Variants in MED12L observed in about 807,000 individuals in gnomAD.
MED12L encodes the protein mediator complex subunit 12L, also known as mediator of RNA polymerase II transcription subunit 12-like protein.
A neutral mutation model predicts 281.3 loss-of-function variants in MED12L; 60 were observed. That is an observed-to-expected ratio of 0.21 (90% CI 0.17 to 0.26). The LOEUF is 0.26. Among genes scored for constraint, MED12L ranks in the 10% least tolerant of loss-of-function variants. The probability of loss-of-function intolerance (pLI) is 1.00; values close to 1 mark genes in which losing one functional copy is unlikely to be tolerated. For missense variants in MED12L, 2,146 were observed against 2,680.9 expected, an observed-to-expected ratio of 0.80 and a Z score of 4.41; for synonymous variants, 974 against 987.2, an observed-to-expected ratio of 0.99 and a Z score of 0.25.
chr3:151,328,518 T>C (rs752753008), intron 16 of MED12L: 2 of 1,613,980 alleles, frequency 1.2e-6, no homozygotes, highest in Admixed American at 3.3e-5. Context: ...TTGCTCAAGA[T>C]CGTATTTGGC....
intron 39 of MED12L, among the ~76,000 whole-genome samples, chr3:151,395,402 CA>C (rs1210464343): frequency 6.6e-6 from 1 of 152,160 alleles, no homozygotes; most frequent in Non-Finnish European, 1.5e-5. Flanking sequence ...TGGATACATT[CA>C]ATTTAATTCT....
intron 2 of MED12L, 85 bp downstream of exon 2, chr3:151,087,110 C>A: frequency 1.8e-6 from 2 of 1,119,814 alleles, no homozygotes; most frequent in South Asian, 1.5e-5. Flanking sequence ...CGGGCATCGC[C>A]GGCGCTGCGG....
chr3:151,088,549 A>G (rs754423513), intron 2 of MED12L, among the ~76,000 whole-genome samples: 1 of 152,148 alleles, frequency 6.6e-6, no homozygotes, highest in African/African-American at 2.4e-5. Flanking sequence ...TCCAGAGGGC[A>G]GCATAATTGA....
At chr3:151,246,954 G>T (rs779097276) in intron 16 of MED12L, among the ~76,000 whole-genome samples, 2 of 152,114 alleles carry the variant, frequency 1.3e-5, no homozygotes, top group African/African-American at 4.8e-5. Flanking sequence ...CAAAAAGTGG[G>T]CAAAGGACAC....
chr3:151,248,861 T>C (rs1407064427), intron 16 of MED12L: 1 of 152,190 alleles, frequency 6.6e-6, no homozygotes, highest in African/African-American at 2.4e-5. Flanking sequence ...ATTTTCTTAC[T>C]TACCAATTTT....
intron 20 of MED12L, among the ~76,000 whole-genome samples, chr3:151,359,003 G>A (rs762614644): frequency 7.9e-5 from 12 of 152,072 alleles, no homozygotes; most frequent in Non-Finnish European, 1.5e-4. Context: ...TTGGTGCTGA[G>A]GTTTCAGGTT....
At chr3:151,294,078 A>G in intron 16 of MED12L, 1 of 812,518 alleles carries the variant, frequency 1.2e-6, no homozygotes, top group Non-Finnish European at 2.0e-6. Context: ...AGTTCTTTGA[A>G]TTCATATTTT....
rs115368864 is a variant in MED12L at position 151,269,137 on chromosome 3, C to T, written c.2250+75471C>T. ...TACAAAAGGAAATACAGGCTGGGCG[C>T]GGTGGCTTATGCCTATACTCTGGGA... On this transcript the variant is annotated intron_variant, in intron 16 of 44. Transcript: ENST00000687756. Among the ~76,000 whole-genome samples the T allele has an allele frequency of 7.9e-3, 1,210 of 152,204 alleles. 24 individuals carry two copies. Among genetic ancestry groups the T allele is most frequent in the African/African-American group, 0.028 (1,165 of 41,538 alleles).
intron 16 of MED12L, among the ~76,000 whole-genome samples, chr3:151,286,682 T>A (rs1353317123): frequency 2.6e-5 from 4 of 152,214 alleles, no homozygotes; most frequent in Non-Finnish European, 4.4e-5. Flanking sequence ...TATCTTAACA[T>A]AGACATATTT....
intron 38 of MED12L, among the ~76,000 whole-genome samples, chr3:151,392,403 T>C (rs1714357497): frequency 2.0e-5 from 3 of 148,776 alleles, no homozygotes; most frequent in Admixed American, 6.7e-5. Context: ...GAGGCAAAGG[T>C]TGCTTGAACT....
chr3:151,262,863 G>T (rs527694347), intron 16 of MED12L, among the ~76,000 whole-genome samples: 1 of 152,026 alleles, frequency 6.6e-6, no homozygotes, highest in Admixed American at 6.5e-5. Flanking sequence ...TCCTGTTAAC[G>T]TCTCCTCAGT....
Position 151,122,764 on chromosome 3 carries a change from T to G in MED12L, c.205-19T>G. On this transcript the variant is annotated intron_variant, in intron 3 of 44. Transcript: ENST00000687756. ...TGCTTATTGTCTTAACTTTCCCTTT[T>G]TTTCTCTTCTTTCCACAGATTGGAG... The G allele has an allele frequency of 6.4e-7, 1 of 1,555,464 alleles. No homozygotes were observed.
At chr3:151,386,442 T>G (rs1328848758) in intron 36 of MED12L, among the ~76,000 whole-genome samples, 2 of 152,180 alleles carry the variant, frequency 1.3e-5, no homozygotes, top group Non-Finnish European at 2.9e-5. Context: ...CAGGCTGGAG[T>G]GCAGTAGTGC....
chr3:151,103,091 C>T (rs1721589602), intron 2 of MED12L, among the ~76,000 whole-genome samples: 1 of 152,196 alleles, frequency 6.6e-6, no homozygotes, highest in South Asian at 2.1e-4. Context: ...ATATGGCATA[C>T]CTCAGCAATA....
At chr3:151,213,470 G>A in intron 16 of MED12L, 2 of 1,614,190 alleles carry the variant, frequency 1.2e-6, no homozygotes, top group African/African-American at 1.3e-5. Context: ...GCAGCAGATA[G>A]TAGCAGAGTG....
intron 16 of MED12L, chr3:151,248,729 T>G (rs1406690446): frequency 6.6e-6 from 1 of 152,188 alleles, no homozygotes; most frequent in African/African-American, 2.4e-5. Flanking sequence ...TGGAAAAGTC[T>G]TGCATAGCCT....
At chr3:151,156,024 C>T in intron 5 of MED12L, 137 bp from the exon 6 acceptor site, 2 of 720,372 alleles carry the variant, frequency 2.8e-6, no homozygotes, top group Non-Finnish European at 2.1e-6. Flanking sequence ...ACTGCTTGTA[C>T]AGGCACAGAT....
chr3:151,209,801 C>T (rs1726876022), intron 16 of MED12L, among the ~76,000 whole-genome samples: 1 of 152,068 alleles, frequency 6.6e-6, no homozygotes, highest in Non-Finnish European at 1.5e-5. Context: ...AGCAGAAGTA[C>T]AGCTTTGTGT....
intron 14 of MED12L, 32 bp downstream of exon 14, chr3:151,190,963 C>A (rs763497654): frequency 6.3e-7 from 1 of 1,590,602 alleles, no homozygotes; most frequent in Non-Finnish European, 8.6e-7. Flanking sequence ...CCCACTCCCC[C>A]AGAAACTAAA....
Sources: allele counts gnomAD v4.1 joint callset (sites outside exome capture counted in the v4.1 genomes callset), GRCh38; gene constraint gnomAD v4.1.1; transcripts MANE v1.5; gene names NCBI Gene and HGNC (gene_info 2026-07-23, HGNC 2026-07-21).